MPP4: variants seen among roughly 807,000 people sequenced by gnomAD.
MPP4 encodes the protein MAGUK p55 subfamily member 4.
MPP4 carries 91 observed loss-of-function variants against 98.3 expected under a neutral mutation model. That is an observed-to-expected ratio of 0.93 (90% CI 0.78 to 1.10). MPP4 has a LOEUF of 1.10. Among genes scored for constraint, MPP4 ranks in the 50% least tolerant of loss-of-function variants. The pLI, the probability that MPP4 is intolerant of heterozygous loss-of-function variation, is 0.00. For missense variants in MPP4, 744 were observed against 792.9 expected (o/e 0.94, Z 0.74); for synonymous variants, 261 against 271.8 (o/e 0.96, Z 0.39).
chr2:201,654,808 A>C, intron 18 of MPP4, 29 bp downstream of exon 18: 1 of 1,544,072 alleles, frequency 6.5e-7, no homozygotes, highest in South Asian at 1.2e-5. Flanking sequence ...CCAAAACACA[A>C]ACCATTATGA....
intron 16 of MPP4, among the ~76,000 whole-genome samples, chr2:201,657,618 T>TTG (rs58269844): frequency 1.2e-4 from 17 of 147,094 alleles, no homozygotes; most frequent in African/African-American, 4.3e-4. Flanking sequence ...TGTTTTTTTT[T>TTG]GCTTATTGTA....
chr2:201,686,044 G>T lies in MPP4; in HGVS notation c.367C>A (p.Leu123Ile). 6.2e-7 allele frequency: 1 copy of T among 1,611,516 alleles called. No individual in the cohort carries two copies. Among genetic ancestry groups the T allele is most frequent in the Non-Finnish European group, 8.5e-7 (1 of 1,177,908 alleles). Reference protein sequence around the residue: ...MLQAPHFKALLSAHDTIAQKD... With the variant: ...MLQAPHFKALISAHDTIAQKD... Reference sequence around the variant, plus strand: ...TGAGCTATCGTGTCATGGGCACTGAGCAAGGCCTGGGCACAGGGAAGGAAA... The same window carrying T: ...TGAGCTATCGTGTCATGGGCACTGATCAAGGCCTGGGCACAGGGAAGGAAA... Residue 123 changes from leucine (L) to isoleucine (I), a missense_variant, in exon 6 of 22, where the codon CTC becomes ATC. Transcript: ENST00000409474.
In MPP4 at chr2:201,649,095, G is replaced by GAC. The variant is rs762733935; in HGVS notation, c.1584+479_1584+480dup. Among the ~76,000 whole-genome samples, 616 of 150,646 alleles carry GAC rather than the reference G, an allele frequency of 4.1e-3. 4 individuals are homozygous for GAC. Among genetic ancestry groups the GAC allele is most frequent in the Middle Eastern group, 0.01 (3 of 288 alleles). On this transcript the variant is annotated intron_variant, in intron 20 of 21. Transcript: ENST00000409474. ...CAAAACAAACACAGACACACACACA[G>GAC]ACACACACACACACACGAAGAAAAT...
chr2:201,662,733 G>A (rs1336972451), intron 14 of MPP4, among the ~76,000 whole-genome samples: 1 of 151,998 alleles, frequency 6.6e-6, no homozygotes, highest in Non-Finnish European at 1.5e-5. Context: ...TAAAAGGCTA[G>A]ATTTATTTGT....
At chr2:201,683,582 G>C (rs1229029314) in intron 7 of MPP4, among the ~76,000 whole-genome samples, 2 of 151,618 alleles carry the variant, frequency 1.3e-5, no homozygotes, top group African/African-American at 4.9e-5. Flanking sequence ...CACTCTGTCT[G>C]TACTAAAAAT....
intron 21 of MPP4, among the ~76,000 whole-genome samples, chr2:201,646,314 A>T (rs541046917): frequency 9.2e-5 from 14 of 152,342 alleles, no homozygotes; most frequent in African/African-American, 3.4e-4. Context: ...CAACATGAGG[A>T]TGGTATAAGC....
At chr2:201,669,246 A>G (rs952090703) in intron 12 of MPP4, among the ~76,000 whole-genome samples, 2 of 152,090 alleles carry the variant, frequency 1.3e-5, no homozygotes, top group African/African-American at 4.8e-5. Context: ...GACAGAGGGA[A>G]TCTTGAATCC....
chr2:201,694,803 A>G (rs1488992768), intron 1 of MPP4, among the ~76,000 whole-genome samples: 6 of 151,524 alleles, frequency 4.0e-5, no homozygotes, highest in Non-Finnish European at 8.8e-5. Flanking sequence ...AACTTCTTGT[A>G]GAGATGGGGT....
chr2:201,663,565 A>G (rs1436009291), intron 14 of MPP4, among the ~76,000 whole-genome samples: 1 of 152,150 alleles, frequency 6.6e-6, no homozygotes, highest in African/African-American at 2.4e-5. Flanking sequence ...AAAATTGAAA[A>G]ATTAGCCACG....
intron 12 of MPP4, among the ~76,000 whole-genome samples, chr2:201,669,130 G>A (rs1019536918): frequency 2.0e-4 from 30 of 151,768 alleles, no homozygotes; most frequent in African/African-American, 7.0e-4. Context: ...GTGAGAGAGA[G>A]AGAGAGAGAG....
intron 6 of MPP4, 50 bp downstream of exon 6, chr2:201,685,869 A>C: frequency 6.3e-7 from 1 of 1,593,670 alleles, no homozygotes; most frequent in Non-Finnish European, 8.6e-7. Flanking sequence ...TTTGGTTCAC[A>C]ATTAACCTAA....
In MPP4 at chr2:201,664,107, A is replaced by ATT. The variant is rs74887695; in HGVS notation, c.1052-8_1052-7dup. The ATT allele has an allele frequency of 2.0e-6, 3 of 1,530,102 alleles. No individual in the cohort carries two copies. Among genetic ancestry groups the ATT allele is most frequent in the South Asian group, 1.2e-5 (1 of 81,760 alleles). The allele number at this position is 1,530,102 out of a possible 1,614,324, so 94.8% of individuals were successfully genotyped here. On this transcript the variant is annotated splice_region_variant and splice_polypyrimidine_tract_variant and intron_variant, in intron 13 of 21. Transcript: ENST00000409474. The stretch of plus-strand genomic sequence containing the variant: ...AGATTCAAATGTTTCTTCATCTATG[A>ATT]TTTTTCATGGAGGCAAAAATCAAAA...
chr2:201,667,704 A>C (rs1688221546), intron 12 of MPP4, among the ~76,000 whole-genome samples: 1 of 152,236 alleles, frequency 6.6e-6, no homozygotes, highest in Admixed American at 6.5e-5. Flanking sequence ...ACATGTTCCA[A>C]AAGTACATAG....
At chr2:201,658,036 C>A (rs2105917710) in intron 16 of MPP4, among the ~76,000 whole-genome samples, 1 of 150,438 alleles carries the variant, frequency 6.6e-6, no homozygotes, top group African/African-American at 2.4e-5. Flanking sequence ...ACCTTCTAGA[C>A]CCTGCGGCTC....
chr2:201,690,010 G>C (rs1688961690), intron 4 of MPP4, among the ~76,000 whole-genome samples, 192 bp downstream of exon 4: 1 of 152,140 alleles, frequency 6.6e-6, no homozygotes, highest in South Asian at 2.1e-4. Flanking sequence ...GGTGGTGGTG[G>C]GGAGTGTTTT....
chr2:201,672,881 T>C (rs540074597), intron 11 of MPP4, among the ~76,000 whole-genome samples: 1 of 152,212 alleles, frequency 6.6e-6, no homozygotes, highest in South Asian at 2.1e-4. Flanking sequence ...GCCAGCATCA[T>C]CCTGATACCA....
intron 19 of MPP4, 27 bp downstream of exon 19, chr2:201,650,045 G>T: frequency 6.6e-7 from 1 of 1,517,510 alleles, no homozygotes; most frequent in South Asian, 1.3e-5. Context: ...CAAGAGGTAA[G>T]AATCAGCTTC....
intron 10 of MPP4, among the ~76,000 whole-genome samples, chr2:201,678,668 G>A (rs565504270): frequency 4.3e-4 from 66 of 152,190 alleles, no homozygotes; most frequent in Non-Finnish European, 8.1e-4. Context: ...GAGATGGCTC[G>A]CGTCACATGG....
intron 10 of MPP4, 128 bp from the exon 11 acceptor site, chr2:201,675,399 A>G: frequency 2.2e-6 from 2 of 903,354 alleles, no homozygotes; most frequent in South Asian, 1.6e-5. Context: ...CACTCAAGTG[A>G]AAAGGGTGAT....
Sources: gnomAD v4.1 joint callset for allele counts (sites outside exome capture counted in the v4.1 genomes callset) on GRCh38, gnomAD v4.1.1 for gene constraint, MANE v1.5 for transcripts, NCBI Gene and HGNC (gene_info 2026-07-23, HGNC 2026-07-21) for gene names.